Variants in GSE1 observed in about 807,000 individuals in gnomAD.
GSE1 encodes genetic suppressor element 1.
A neutral mutation model predicts 112.6 loss-of-function variants in GSE1; 32 were observed. The observed-to-expected ratio is 0.28, with a 90% CI of 0.21 to 0.38. The LOEUF is 0.38. Among genes scored for constraint, GSE1 ranks in the 10% least tolerant of loss-of-function variants. GSE1 has a pLI of 1.00. For synonymous variants in GSE1, 1,115 were observed against 735.6 expected, an observed-to-expected ratio of 1.52 and a Z score of -8.35; for missense variants, 2,348 against 1,699.2, an observed-to-expected ratio of 1.38 and a Z score of -6.71.
chr16:85,628,639 C>G (rs193284216), intron 1 of GSE1, among the ~76,000 whole-genome samples: 80 of 152,324 alleles, frequency 5.3e-4, no homozygotes, highest in Middle Eastern at 3.4e-3. Flanking sequence ...GGCTGGACAG[C>G]CCCACGCTTT....
intron 2 of GSE1, among the ~76,000 whole-genome samples, chr16:85,428,817 G>C (rs905693215): frequency 1.3e-5 from 2 of 152,162 alleles, no homozygotes; most frequent in Non-Finnish European, 2.9e-5. Context: ...GGCAGTTAGG[G>C]GAAAATCGAT....
At position 85,661,561 on chromosome 16, in the gene GSE1, C is replaced by T. The variant is rs2052434921; in HGVS notation, c.2056C>T (p.Leu686=). The T allele has an allele frequency of 1.2e-6, 2 of 1,611,626 alleles. No homozygotes were observed. Among genetic ancestry groups the T allele is most frequent in the Non-Finnish European group, 8.5e-7 (1 of 1,179,542 alleles). ...AELEKSTQTI[L]GQQRASLPQA... ...GCTCGAGAAGTCCACCCAGACCATC[C>T]TGGGCCAGCAGCGGGCCTCCCTCCC... Residue 686 remains leucine (L), a synonymous_variant, in exon 9 of 16, where the codon CTG becomes TTG. Transcript: ENST00000253458.
intron 1 of GSE1, among the ~76,000 whole-genome samples, chr16:85,248,345 T>C (rs949487983): frequency 1.3e-5 from 2 of 152,176 alleles, no homozygotes; most frequent in Non-Finnish European, 2.9e-5. Flanking sequence ...CCATCCTCAG[T>C]AGCTCTGTCT....
At chr16:85,376,910 C>A (rs11640236) in intron 2 of GSE1, among the ~76,000 whole-genome samples, 26,662 of 152,234 alleles carry the variant, frequency 0.18, 2,410 homozygotes, top group African/African-American at 0.22. Context: ...CACCGCACAC[C>A]CGGCCCCGCG....
At chr16:85,388,317 T>TGAATGGATGTATGGCTGG (rs2047743061) in intron 2 of GSE1, among the ~76,000 whole-genome samples, 1 of 95,790 alleles carries the variant, frequency 1.0e-5, no homozygotes, top group Non-Finnish European at 2.1e-5. Flanking sequence ...GATGGATGGA[T>TGAATGGATGTATGGCTGG]GGATGGATGG....
At chr16:85,597,396 A>AAAAAAG (rs2047280283) in intron 1 of GSE1, among the ~76,000 whole-genome samples, 1 of 149,910 alleles carries the variant, frequency 6.7e-6, no homozygotes, top group African/African-American at 2.5e-5. Context: ...AAAAAAAAAA[A>AAAAAAG]AAGAAGAAGA....
At chr16:85,629,113 C>T (rs143277188) in intron 1 of GSE1, among the ~76,000 whole-genome samples, 115 of 152,358 alleles carry the variant, frequency 7.5e-4, no homozygotes, top group African/African-American at 2.4e-3. Flanking sequence ...CCTCGCCTTC[C>T]GCCATGATTA....
At chr16:85,511,442 C>T (rs1218443010) in intron 2 of GSE1, among the ~76,000 whole-genome samples, 2 of 151,558 alleles carry the variant, frequency 1.3e-5, no homozygotes, top group African/African-American at 4.9e-5. Flanking sequence ...GCAGGAGAAT[C>T]GCTTGAACCC....
chr16:85,669,383 C>A (rs2053143097), intron 14 of GSE1, among the ~76,000 whole-genome samples: 1 of 152,200 alleles, frequency 6.6e-6, no homozygotes, highest in Admixed American at 6.5e-5. Flanking sequence ...ACTTCAAATA[C>A]TTAGAAAAGT....
intron 1 of GSE1, among the ~76,000 whole-genome samples, chr16:85,319,319 C>G (rs183205996): frequency 1.3e-5 from 2 of 152,272 alleles, no homozygotes; most frequent in East Asian, 3.9e-4. Context: ...TAGCGGGAGT[C>G]CTAATGGAAG....
rs138751239 is a variant in GSE1, at chr16:85,226,656, T to A, written c.2283+54849T>A. On this transcript the variant is annotated intron_variant, in intron 1 of 2. Transcript: ENST00000637419. ...TGTGAGGTTTAGATAGAATGGAGTC[T>A]GCACAGGGGGCTCGGCATGGGGACT... Among the ~76,000 whole-genome samples, 942 of 152,266 alleles carry A rather than the reference T, an allele frequency of 6.2e-3. 9 individuals are homozygous for A. Among genetic ancestry groups the A allele is most frequent in the Middle Eastern group, 0.017 (5 of 294 alleles).
chr16:85,236,491 C>G (rs1904679735), intron 1 of GSE1, among the ~76,000 whole-genome samples: 1 of 152,208 alleles, frequency 6.6e-6, no homozygotes, highest in South Asian at 2.1e-4. Flanking sequence ...ATGTGTGACT[C>G]CCGTTGTGGG....
chr16:85,258,771 G>A (rs541262699), intron 1 of GSE1, among the ~76,000 whole-genome samples: 2 of 152,318 alleles, frequency 1.3e-5, no homozygotes, highest in Non-Finnish European at 2.9e-5. Context: ...TCATGTTGGC[G>A]CTTGTCAGGC....
intron 1 of GSE1, among the ~76,000 whole-genome samples, chr16:85,314,704 C>T (rs934532188): frequency 1.4e-3 from 207 of 152,300 alleles, no homozygotes; most frequent in African/African-American, 4.8e-3. Flanking sequence ...GCCTGGAGCT[C>T]CGCCGTCTCC....
chr16:85,292,518 G>A (rs113655329), intron 1 of GSE1, among the ~76,000 whole-genome samples: 1 of 152,070 alleles, frequency 6.6e-6, no homozygotes, highest in Non-Finnish European at 1.5e-5. Context: ...TAGTAGAGAT[G>A]GGGTTTCACC....
At chr16:85,588,172 G>C (rs116816505) in intron 1 of GSE1, among the ~76,000 whole-genome samples, 1 of 152,150 alleles carries the variant, frequency 6.6e-6, no homozygotes, top group African/African-American at 2.4e-5. Flanking sequence ...CTTGCATCTC[G>C]CTCGATTCCC....
At chr16:85,617,397 CT>C (rs1031247129) in intron 1 of GSE1, among the ~76,000 whole-genome samples, 2 of 152,186 alleles carry the variant, frequency 1.3e-5, no homozygotes, top group African/African-American at 4.8e-5. Context: ...GCACTTGAGG[CT>C]TTTGTGGGTC....
At chr16:85,315,231 C>A (rs1445382883) in intron 1 of GSE1, among the ~76,000 whole-genome samples, 2 of 152,118 alleles carry the variant, frequency 1.3e-5, no homozygotes, top group African/African-American at 4.8e-5. Flanking sequence ...GGGGGAGGCT[C>A]AGCGGGAGGC....
At chr16:85,613,443 C>T in intron 1 of GSE1, 45 bp downstream of exon 1, 5 of 1,504,168 alleles carry the variant, frequency 3.3e-6, no homozygotes, top group South Asian at 2.4e-5. Flanking sequence ...TCCCCCCTCC[C>T]CCCACCGCAC....
Sources: allele counts gnomAD v4.1 joint callset (sites outside exome capture counted in the v4.1 genomes callset), GRCh38; gene constraint gnomAD v4.1.1; transcripts MANE v1.5; gene names NCBI Gene and HGNC (gene_info 2026-07-23, HGNC 2026-07-21).